Variants in MED4 observed in about 807,000 individuals in gnomAD.
The protein encoded by MED4 is mediator complex subunit 4, also known as mediator of RNA polymerase II transcription subunit 4.
MED4 carries 21 observed loss-of-function variants against 35.0 expected under a neutral mutation model. The observed-to-expected ratio is 0.60, with a 90% CI of 0.43 to 0.86. MED4 has a LOEUF of 0.86. Ranked by LOEUF, MED4 falls within the 40% of genes least tolerant of loss-of-function variation. The pLI is 0.00. For synonymous variants in MED4, 138 were observed against 114.0 expected (o/e 1.21, Z -1.34); for missense variants, 300 against 319.4 (o/e 0.94, Z 0.46).
At chr13:48,081,283 C>G (rs569727979) in intron 5 of MED4, among the ~76,000 whole-genome samples, 9 of 152,300 alleles carry the variant, frequency 5.9e-5, no homozygotes, top group African/African-American at 2.2e-4. Flanking sequence ...CTTTCTCAGG[C>G]TGGAACCTTT....
At chr13:48,091,769 G>A (rs1480314294) in intron 1 of MED4, among the ~76,000 whole-genome samples, 1 of 152,214 alleles carries the variant, frequency 6.6e-6, no homozygotes, top group Non-Finnish European at 1.5e-5. Context: ...AACCTAGAGT[G>A]ATAAGGGTTG....
At chr13:48,078,619 C>T (rs537346733) in intron 6 of MED4, among the ~76,000 whole-genome samples, 14 of 152,342 alleles carry the variant, frequency 9.2e-5, no homozygotes, top group African/African-American at 3.4e-4. Flanking sequence ...CATTACACTG[C>T]ACCCTCTCCA....
intron 1 of MED4, among the ~76,000 whole-genome samples, chr13:48,091,759 A>T (rs1212850551): frequency 6.6e-6 from 1 of 152,238 alleles, no homozygotes; most frequent in Non-Finnish European, 1.5e-5. Flanking sequence ...AGAAGAAATA[A>T]ACCTAGAGTG....
chr13:48,077,538 A>G, intron 6 of MED4: 1 of 320,852 alleles, frequency 3.1e-6, no homozygotes, highest in South Asian at 7.4e-5. Context: ...CAGCCTCCTG[A>G]GTAACTGGGT....
intron 5 of MED4, among the ~76,000 whole-genome samples, chr13:48,080,397 A>AAAAAAC: frequency 2.5e-5 from 1 of 39,326 alleles, no homozygotes; most frequent in South Asian, 7.4e-4. Flanking sequence ...ACCCTGTCTC[A>AAAAAAC]AAAAAAAAAA....
chr13:48,080,083 A>G (rs1950793684), intron 5 of MED4, 108 bp from the exon 6 acceptor site: 2 of 1,292,336 alleles, frequency 1.5e-6, no homozygotes, highest in Non-Finnish European at 1.1e-6. Context: ...AGTTCAGGCT[A>G]CATTTTCAAT....
chr13:48,090,435 A>G lies in MED4; in HGVS notation c.126-17T>C, dbSNP rs1285010223. On this transcript the variant is annotated splice_polypyrimidine_tract_variant and intron_variant, in intron 1 of 6. Transcript: ENST00000258648. The stretch of plus-strand genomic sequence containing the variant: ...ATAAGTTCCCTAAAAAAAAAAAACC[A>G]ACAACAACAAAAACCCTTTCACAGC... The G allele has an allele frequency of 3.2e-6, 5 of 1,562,244 alleles. No individual in the cohort carries two copies. The highest frequency in any genetic ancestry group is 4.3e-6 in the Non-Finnish European group (5 of 1,149,930).
intron 2 of MED4, among the ~76,000 whole-genome samples, chr13:48,087,539 A>G (rs1950859786): frequency 6.6e-6 from 1 of 151,774 alleles, no homozygotes; most frequent in East Asian, 1.9e-4. Context: ...ATTGTTTACA[A>G]TGAAGATGAT....
At chr13:48,084,616 CAG>C (rs1181524433) in intron 3 of MED4, among the ~76,000 whole-genome samples, 1 of 152,102 alleles carries the variant, frequency 6.6e-6, no homozygotes, top group African/African-American at 2.4e-5. Flanking sequence ...TTTCAATAAA[CAG>C]TAATTGAAAG....
At chr13:48,084,647 A>C (rs982058465) in intron 3 of MED4, among the ~76,000 whole-genome samples, 1 of 152,180 alleles carries the variant, frequency 6.6e-6, no homozygotes, top group African/African-American at 2.4e-5. Context: ...TATCCTGCTA[A>C]CTACAATTAC....
chr13:48,087,850 A>AG (rs1402001931), intron 2 of MED4, among the ~76,000 whole-genome samples: 3 of 151,764 alleles, frequency 2.0e-5, no homozygotes, highest in Non-Finnish European at 4.4e-5. Context: ...ACTTCGTCTC[A>AG]GGAAAAAAAA....
intron 1 of MED4, among the ~76,000 whole-genome samples, chr13:48,091,882 A>C (rs960991620): frequency 6.6e-6 from 1 of 152,196 alleles, no homozygotes. Flanking sequence ...CAGCTTTGAC[A>C]TAAGACACGG....
At chr13:48,085,394 A>C (rs1950841995) in intron 3 of MED4, among the ~76,000 whole-genome samples, 1 of 152,116 alleles carries the variant, frequency 6.6e-6, no homozygotes, top group African/African-American at 2.4e-5. Context: ...ACTGGTCTCG[A>C]ACTGAGACTG....
In MED4 at chr13:48,077,326, A is replaced by G; in HGVS notation, c.641-15T>C. The G allele has an allele frequency of 2.1e-6, 3 of 1,459,802 alleles. No homozygotes were observed. The highest frequency in any genetic ancestry group is 2.7e-6 in the Non-Finnish European group (3 of 1,106,828). 90.4% of individuals were successfully genotyped at this position (1,459,802 alleles called of 1,614,324 possible). The stretch of plus-strand genomic sequence containing the variant: ...AGCAAGGACATCTGGAGAAAAAAAG[A>G]AGCATAGATAAGAACAGCTCTATCT... On this transcript the variant is annotated splice_polypyrimidine_tract_variant and intron_variant, in intron 6 of 6. Coordinates refer to ENST00000258648, the MANE Select transcript of MED4 (RefSeq NM_014166.4).
chr13:48,090,367 A>G lies in MED4; in HGVS notation c.177T>C (p.Ala59=), dbSNP rs1211895641. Residue 59 remains alanine (A), a synonymous_variant, in exon 2 of 7, where the codon GCT becomes GCC. Coordinates refer to ENST00000258648, the MANE Select transcript of MED4 (RefSeq NM_014166.4). ...AISRNQKLLQ[A]GEENQVLELL... is the part of the protein sequence containing the mutation. The stretch of plus-strand genomic sequence containing the variant: ...AGCCACTTACCTGGTTTTCCTCTCC[A>G]GCCTGTAACAACTTTTGGTTTCTTG... 3 of 1,593,326 alleles carry G rather than the reference A, an allele frequency of 1.9e-6. No homozygotes were observed. Among genetic ancestry groups the G allele is most frequent in the Admixed American group, 3.6e-5 (2 of 55,478 alleles).
At chr13:48,086,165 CACCTTT>C in intron 3 of MED4, 111 bp downstream of exon 3, 2 of 896,906 alleles carry the variant, frequency 2.2e-6, no homozygotes, top group Non-Finnish European at 3.4e-6. Context: ...GACAAGATAT[CACCTTT>C]AGACTTGGAA....
chr13:48,083,341 C>T (rs375712127), intron 4 of MED4, 30 bp downstream of exon 4: 51 of 1,572,234 alleles, frequency 3.2e-5, no homozygotes, highest in Non-Finnish European at 4.3e-5. Context: ...CTTAACTTTT[C>T]AGGTCATTCA....
chr13:48,086,988 G>C (rs886727642), intron 2 of MED4, among the ~76,000 whole-genome samples: 2 of 151,824 alleles, frequency 1.3e-5, no homozygotes, highest in African/African-American at 4.8e-5. Flanking sequence ...GGAGGTTGCA[G>C]TGAGCCAAGA....
chr13:48,081,061 T>C (rs1950805068), intron 5 of MED4, among the ~76,000 whole-genome samples: 1 of 152,230 alleles, frequency 6.6e-6, no homozygotes, highest in Admixed American at 6.5e-5. Flanking sequence ...CCTTCAGAAG[T>C]TATTTTGAAG....
Sources: allele counts gnomAD v4.1 joint callset (sites outside exome capture counted in the v4.1 genomes callset), GRCh38; gene constraint gnomAD v4.1.1; transcripts MANE v1.5; gene names NCBI Gene and HGNC (gene_info 2026-07-23, HGNC 2026-07-21).